Variants in FAM168B observed in about 807,000 individuals in gnomAD.
FAM168B encodes the protein myelin-associated neurite-outgrowth inhibitor.
Under a neutral mutation model 21.8 loss-of-function variants are expected in FAM168B, and 19 were observed. The observed-to-expected ratio is 0.87, with a 90% CI of 0.61 to 1.28. FAM168B has a LOEUF of 1.28. FAM168B is among the 50% of genes most tolerant of loss of function. The pLI, the probability that FAM168B is intolerant of heterozygous loss-of-function variation, is 0.00. For synonymous variants in FAM168B, 126 were observed against 104.8 expected (o/e 1.20, Z -1.24); for missense variants, 233 against 263.1 (o/e 0.89, Z 0.79).
intron 3 of FAM168B, among the ~76,000 whole-genome samples, chr2:131,066,558 C>CT (rs1692569664): frequency 6.6e-6 from 1 of 150,874 alleles, no homozygotes. Context: ...AAAGAACAGA[C>CT]TGTTTTGACA....
In FAM168B at chr2:131,052,358, G is replaced by A; in HGVS notation, c.*107C>T. 1 of 986,364 alleles carries A rather than the reference G, an allele frequency of 1.0e-6. No homozygotes were observed. The highest frequency in any genetic ancestry group is 1.2e-6 in the Non-Finnish European group (1 of 830,272). 61.1% of individuals were successfully genotyped at this position (986,364 alleles called of 1,614,324 possible). ...ATAGTCGTGTTTAGCTAAGTGTCGA[G>A]AGCATTAAGAAGAAAGTCCTGGTTG... is the stretch of plus-strand genomic sequence containing the variant. On this transcript the variant is annotated 3_prime_UTR_variant, in exon 7 of 7. Transcript: ENST00000389915.
intron 5 of FAM168B, among the ~76,000 whole-genome samples, chr2:131,054,614 T>C (rs1691903181): frequency 6.6e-6 from 1 of 152,170 alleles, no homozygotes; most frequent in African/African-American, 2.4e-5. Context: ...GACCTAAAGG[T>C]GGTCATATTG....
intron 3 of FAM168B, among the ~76,000 whole-genome samples, chr2:131,066,301 G>A (rs909531859): frequency 7.9e-5 from 12 of 151,316 alleles, no homozygotes; most frequent in Admixed American, 1.3e-4. Flanking sequence ...TCAACCTCCC[G>A]AGTAGCTGGG....
intron 6 of FAM168B, 85 bp downstream of exon 6, chr2:131,052,806 G>C: frequency 6.6e-7 from 1 of 1,505,004 alleles, no homozygotes; most frequent in South Asian, 1.3e-5. Context: ...TTCCTCGTTA[G>C]TGCTTAAATA....
chr2:131,080,555 T>G (rs1693382213), intron 2 of FAM168B, among the ~76,000 whole-genome samples: 1 of 149,960 alleles, frequency 6.7e-6, no homozygotes, highest in Non-Finnish European at 1.5e-5. Context: ...GAGATGGAGG[T>G]TGTAGTGAGC....
chr2:131,085,453 C>T (rs943004945), intron 1 of FAM168B, among the ~76,000 whole-genome samples: 1 of 152,186 alleles, frequency 6.6e-6, no homozygotes, highest in Non-Finnish European at 1.5e-5. Flanking sequence ...ATAGCTGCAA[C>T]TACCTACCGA....
At chr2:131,058,217 G>C (rs1234649957) in intron 3 of FAM168B, among the ~76,000 whole-genome samples, 1 of 152,174 alleles carries the variant, frequency 6.6e-6, no homozygotes, top group Non-Finnish European at 1.5e-5. Context: ...GGGGCCTTTT[G>C]TTTGGGGTGC....
intron 1 of FAM168B, among the ~76,000 whole-genome samples, chr2:131,084,142 C>T (rs961277232): frequency 1.3e-5 from 2 of 151,672 alleles, no homozygotes; most frequent in Non-Finnish European, 2.9e-5. Flanking sequence ...CCTCGTGATC[C>T]GCCCACCTCA....
At chr2:131,064,415 A>C (rs1692454191) in intron 3 of FAM168B, among the ~76,000 whole-genome samples, 1 of 152,176 alleles carries the variant, frequency 6.6e-6, no homozygotes, top group Non-Finnish European at 1.5e-5. Flanking sequence ...CAAAAATCCT[A>C]CAGAATAGCA....
chr2:131,052,235 A>T lies in FAM168B; in HGVS notation c.*230T>A. On this transcript the variant is annotated 3_prime_UTR_variant, in exon 7 of 7. Transcript: ENST00000389915. ...TCCCTTTTTATCATTACAGTTAGCT[A>T]AAAAATTGCCAGGCAGTCCACAAAA... The T allele has an allele frequency of 1.0e-6, 1 of 985,858 alleles. No individual in the cohort carries two copies. The highest frequency in any genetic ancestry group is 4.7e-5 in the South Asian group (1 of 21,286). 61.1% of individuals were successfully genotyped at this position (985,858 alleles called of 1,614,324 possible).
Position 131,082,664 on chromosome 2 carries a change from GA to G in FAM168B, c.-11-8del, listed in dbSNP as rs759616500. 2.4e-4 allele frequency: 384 copies of G among 1,569,506 alleles called. No individual in the cohort carries two copies. Among genetic ancestry groups the G allele is most frequent in the Non-Finnish European group, 3.1e-4 (360 of 1,159,144 alleles). ...GGATTCATGATTTCAAAAACTAAAA[GA>G]AAAAAAAGGGAATTTAGCCAAGCAC... On this transcript the variant is annotated splice_region_variant and splice_polypyrimidine_tract_variant and intron_variant, in intron 1 of 6. Coordinates refer to ENST00000389915, the MANE Select transcript of FAM168B (RefSeq NM_001009993.4).
intron 3 of FAM168B, among the ~76,000 whole-genome samples, chr2:131,061,369 A>C (rs548786778): frequency 1.3e-5 from 2 of 151,864 alleles, no homozygotes. Context: ...CACAACTGAG[A>C]GCGTGTACGC....
In FAM168B at chr2:131,050,713, T is replaced by C. The variant is rs1268208038; in HGVS notation, c.*1752A>G. ...AATAAGGTTACCAAAGGCTCAGTGGTCAGGTGTCCCCCCACCAACCAACTG... is the reference window on the plus strand; with the variant it reads ...AATAAGGTTACCAAAGGCTCAGTGGCCAGGTGTCCCCCCACCAACCAACTG... On this transcript the variant is annotated 3_prime_UTR_variant, in exon 7 of 7. Transcript: ENST00000389915. 3 of 985,236 alleles carry C rather than the reference T, an allele frequency of 3.0e-6. No homozygotes were observed. Among genetic ancestry groups the C allele is most frequent in the Non-Finnish European group, 3.6e-6 (3 of 829,924 alleles). 61.0% of individuals were successfully genotyped at this position (985,236 alleles called of 1,614,324 possible).
intron 3 of FAM168B, among the ~76,000 whole-genome samples, chr2:131,060,529 G>A (rs1692240351): frequency 6.6e-6 from 1 of 152,204 alleles, no homozygotes; most frequent in Non-Finnish European, 1.5e-5. Context: ...ACTATGTGAT[G>A]CTGAGTACAT....
chr2:131,074,294 A>G (rs1354003873), intron 2 of FAM168B, among the ~76,000 whole-genome samples: 1 of 152,052 alleles, frequency 6.6e-6, no homozygotes, highest in Non-Finnish European at 1.5e-5. Context: ...ATGTCCAGCT[A>G]ATGTTTGTAT....
At position 131,080,681 on chromosome 2, in the gene FAM168B, T is replaced by G. The variant is rs191736348; in HGVS notation, c.70+1896A>C. Among the ~76,000 whole-genome samples the G allele has an allele frequency of 2.7e-5, 4 of 150,838 alleles. No individual in the cohort carries two copies. In the East Asian group the frequency reaches 5.9e-4, roughly 22 times the overall value. On this transcript the variant is annotated intron_variant, in intron 2 of 6. Coordinates refer to ENST00000389915, the MANE Select transcript of FAM168B (RefSeq NM_001009993.4). ...CACTAAAAGAATAGTAAAAGAATTT[T>G]TTTTTTGAGACAGAGTCTTGCTCTG... is the stretch of plus-strand genomic sequence containing the variant.
Position 131,055,503 on chromosome 2 carries a change from G to A in FAM168B, c.297+50C>T, listed in dbSNP as rs748406544. 6.3e-6 allele frequency: 10 copies of A among 1,599,410 alleles called. No homozygotes were observed. The South Asian group carries it at 9.0e-5, about 14-fold the overall frequency. ...AGGGTCCCAGGGCCAAAGGATGAAC[G>A]CCCAGGTGGTATCACCCCTTCCCAC... is the stretch of plus-strand genomic sequence containing the variant. On this transcript the variant is annotated intron_variant, in intron 4 of 6. Coordinates refer to ENST00000389915, the MANE Select transcript of FAM168B (RefSeq NM_001009993.4).
intron 5 of FAM168B, 33 bp downstream of exon 5, chr2:131,055,239 C>A: frequency 6.6e-7 from 1 of 1,507,250 alleles, no homozygotes; most frequent in Non-Finnish European, 8.8e-7. Context: ...TAGGGTACAC[C>A]ATAGGACAGA....
Position 131,048,802 on chromosome 2 carries a change from G to A in FAM168B, c.*3663C>T, listed in dbSNP as rs377200869. On this transcript the variant is annotated 3_prime_UTR_variant, in exon 7 of 7. Coordinates refer to ENST00000389915, the MANE Select transcript of FAM168B (RefSeq NM_001009993.4). The stretch of plus-strand genomic sequence containing the variant: ...TTAGAGACCCTCTCAGAAAGCACCA[G>A]AGAGGAGGACCAGACGCTGCCACCC... 3.2e-5 allele frequency: 32 copies of A among 985,880 alleles called. No homozygotes were observed. In the African/African-American group the frequency reaches 4.9e-4, roughly 15 times the overall value. 61.1% of individuals were successfully genotyped at this position (985,880 alleles called of 1,614,324 possible).
Sources: gnomAD v4.1 joint callset for allele counts (sites outside exome capture counted in the v4.1 genomes callset) on GRCh38, gnomAD v4.1.1 for gene constraint, MANE v1.5 for transcripts, NCBI Gene and HGNC (gene_info 2026-07-23, HGNC 2026-07-21) for gene names.